The following ARHGAP11B variants were observed in gnomAD, a reference collection of about 807,000 sequenced individuals.
ARHGAP11B encodes inactive Rho GTPase-activating protein 11B.
ARHGAP11B carries 14 observed loss-of-function variants against 27.6 expected under a neutral mutation model. The ratio of observed to expected loss-of-function variants is 0.51; its 90% CI spans 0.34 to 0.79. The LOEUF (loss-of-function observed/expected upper bound fraction) is 0.79. Ranked by LOEUF, ARHGAP11B falls within the 30% of genes least tolerant of loss-of-function variation. The pLI is 0.02. For missense variants in ARHGAP11B, 245 were observed against 320.1 expected, an observed-to-expected ratio of 0.77 and a Z score of 1.79; for synonymous variants, 82 against 114.1, an observed-to-expected ratio of 0.72 and a Z score of 1.80.
At chr15:30,644,610 T>A in intron 7 of ARHGAP11B, 2 of 1,466,574 alleles carry the variant, frequency 1.4e-6, no homozygotes, top group Non-Finnish European at 1.9e-6. Flanking sequence ...AAAAATTGTC[T>A]CAAAAGGTTT....
At chr15:30,643,832 G>A (rs2060329172) in intron 7 of ARHGAP11B, among the ~76,000 whole-genome samples, 1 of 152,040 alleles carries the variant, frequency 6.6e-6, no homozygotes, top group African/African-American at 2.4e-5. Context: ...ACATATAGAA[G>A]TTTTGCAGAA....
chr15:30,626,716 C>T (rs2140885441), exon 1 of ARHGAP11B: 1 of 1,484,108 alleles, frequency 6.7e-7, no homozygotes, highest in South Asian at 1.4e-5. Flanking sequence ...GGCCGGAAAG[C>T]AGCCGAGCGG....
intron 8 of ARHGAP11B, chr15:30,646,078 C>T: frequency 3.2e-6 from 2 of 616,786 alleles, no homozygotes; most frequent in East Asian, 8.3e-5. Flanking sequence ...TTGTTTTTCT[C>T]ATCATCATAC....
rs192972379 is a variant in ARHGAP11B, at chr15:30,646,825, C to T, written c.*324+530C>T. Among the ~76,000 whole-genome samples the T allele has an allele frequency of 7.7e-4, 117 of 151,744 alleles. 1 individual carries two copies. The highest frequency in any genetic ancestry group is 2.6e-3 in the African/African-American group (109 of 41,420). On this transcript the variant is annotated intron_variant, in intron 9 of 10. Transcript: ENST00000428041. The stretch of plus-strand genomic sequence containing the variant: ...TCTCTACTAAAAATACAAAATTAGC[C>T]GGGCGTGGTGGTGCACTCGTGTAAT...
In ARHGAP11B at chr15:30,626,675, C is replaced by CG. The variant is rs2060209304; in HGVS notation, c.-141dup. On this transcript the variant is annotated 5_prime_UTR_variant, in exon 1 of 11. Coordinates refer to ENST00000428041, the Ensembl canonical transcript of ARHGAP11B. ...ATCAAGGAAAAGCCGTGGAAGTGGC[C>CG]GGGGGTCGGGGCCGCAGAAGTGCCA... is the stretch of plus-strand genomic sequence containing the variant. The CG allele has an allele frequency of 4.0e-5, 47 of 1,183,912 alleles. 1 individual carries two copies. In the South Asian group the frequency reaches 7.4e-4, roughly 19 times the overall value. 73.3% of individuals were successfully genotyped at this position (1,183,912 alleles called of 1,614,324 possible). A position where few individuals can be genotyped will look rare whatever the true frequency, so the allele number is the denominator to read the frequency against.
intron 7 of ARHGAP11B, chr15:30,641,650 T>C (rs2060316227): frequency 6.6e-6 from 1 of 152,180 alleles, no homozygotes; most frequent in Non-Finnish European, 1.5e-5. Context: ...ATAATTTTCT[T>C]ACAGATGTGA....
intron 1 of ARHGAP11B, among the ~76,000 whole-genome samples, chr15:30,627,758 G>A (rs1033129757): frequency 6.6e-6 from 1 of 151,936 alleles, no homozygotes. Context: ...AATTTATATG[G>A]TACTTCCTAG....
chr15:30,646,698 A>G (rs1167483144), intron 9 of ARHGAP11B, among the ~76,000 whole-genome samples: 2 of 150,174 alleles, frequency 1.3e-5, no homozygotes, highest in African/African-American at 4.9e-5. Context: ...GCCCAGGCGC[A>G]GTGGCTCATG....
At chr15:30,643,889 A>T (rs2060329588) in intron 7 of ARHGAP11B, among the ~76,000 whole-genome samples, 1 of 152,070 alleles carries the variant, frequency 6.6e-6, no homozygotes, top group African/African-American at 2.4e-5. Context: ...AAGTCTCAAG[A>T]TGCAGTATCT....
chr15:30,638,395 A>G (rs1013967048), intron 6 of ARHGAP11B, among the ~76,000 whole-genome samples: 16 of 151,718 alleles, frequency 1.1e-4, no homozygotes. Flanking sequence ...AAATACTTTT[A>G]TTCGTGCCTC....
chr15:30,630,956 C>T (rs1301724824), intron 2 of ARHGAP11B, among the ~76,000 whole-genome samples, 183 bp downstream of exon 2: 1 of 151,942 alleles, frequency 6.6e-6, no homozygotes, highest in Non-Finnish European at 1.5e-5. Context: ...CTTGTAGTCC[C>T]AGCTACTCAG....
intron 7 of ARHGAP11B, chr15:30,641,405 G>A (rs1250928927): frequency 6.7e-6 from 1 of 149,594 alleles, no homozygotes; most frequent in Non-Finnish European, 1.5e-5. Flanking sequence ...GCACAATCTC[G>A]GCTCACTGCA....
chr15:30,639,162 A>AT (rs1274227857), intron 7 of ARHGAP11B, among the ~76,000 whole-genome samples: 1 of 152,158 alleles, frequency 6.6e-6, no homozygotes, highest in Non-Finnish European at 1.5e-5. Context: ...GTATATTTCA[A>AT]TTTTTTATCC....
intron 2 of ARHGAP11B, among the ~76,000 whole-genome samples, chr15:30,631,794 T>A (rs2060247506): frequency 6.6e-6 from 1 of 151,634 alleles, no homozygotes; most frequent in South Asian, 2.1e-4. Context: ...GTTCTTTTTT[T>A]TTTTTTTTTG....
chr15:30,629,509 T>C (rs548597440), intron 1 of ARHGAP11B, among the ~76,000 whole-genome samples: 35 of 152,144 alleles, frequency 2.3e-4, no homozygotes, highest in South Asian at 1.0e-3. Flanking sequence ...GCCGAGATTG[T>C]GCCACTGCAC....
intron 4 of ARHGAP11B, among the ~76,000 whole-genome samples, chr15:30,634,633 T>A (rs190233632): frequency 6.6e-6 from 1 of 152,192 alleles, no homozygotes; most frequent in East Asian, 1.9e-4. Context: ...ATGAATGCCT[T>A]AATGGTTCAT....
At chr15:30,632,798 GA>G (rs1213320988) in intron 2 of ARHGAP11B, among the ~76,000 whole-genome samples, 14 of 151,882 alleles carry the variant, frequency 9.2e-5, no homozygotes, top group South Asian at 2.1e-4. Flanking sequence ...TTGGGGTGAG[GA>G]AAAAAAACCT....
chr15:30,643,353 A>G (rs1379791844), intron 7 of ARHGAP11B, among the ~76,000 whole-genome samples: 1 of 148,842 alleles, frequency 6.7e-6, no homozygotes, highest in Non-Finnish European at 1.5e-5. Context: ...ATCTCAGCTC[A>G]CTGCAACCTC....
intron 7 of ARHGAP11B, among the ~76,000 whole-genome samples, chr15:30,642,437 A>C (rs541016447): frequency 6.6e-6 from 1 of 152,148 alleles, no homozygotes; most frequent in Non-Finnish European, 1.5e-5. Flanking sequence ...TGTGTTATAG[A>C]ATAATTAGTT....
Sources: allele counts gnomAD v4.1 joint callset (sites outside exome capture counted in the v4.1 genomes callset), GRCh38; gene constraint gnomAD v4.1.1; transcripts MANE v1.5; gene names NCBI Gene and HGNC (gene_info 2026-07-23, HGNC 2026-07-21).